GDAP2: variants seen among roughly 807,000 people sequenced by gnomAD.
GDAP2 encodes ganglioside-induced differentiation-associated protein 2.
In GDAP2, 51 loss-of-function variants were observed where a neutral mutation model predicts 67.0. The ratio of observed to expected loss-of-function variants is 0.76; its 90% CI spans 0.61 to 0.96. GDAP2 has a LOEUF of 0.96. Among genes scored for constraint, GDAP2 ranks in the 40% least tolerant of loss-of-function variants. The pLI is 0.00. For synonymous variants in GDAP2, 203 were observed against 207.3 expected, an observed-to-expected ratio of 0.98 and a Z score of 0.18; for missense variants, 547 against 588.3, an observed-to-expected ratio of 0.93 and a Z score of 0.73.
At position 117,867,015 on chromosome 1, in the gene GDAP2, T is replaced by G. The variant is rs903351752; in HGVS notation, c.*3554A>C. ...ACTCTCCTCTATATAGTACTTCAAA[T>G]TCTAATCATTTCTGTGCATATATTA... On this transcript the variant is annotated 3_prime_UTR_variant, in exon 14 of 14. Transcript: ENST00000369443. 2 of 152,170 alleles carry G rather than the reference T, an allele frequency of 1.3e-5. No individual in the cohort carries two copies. The highest frequency in any genetic ancestry group is 4.8e-5 in the African/African-American group (2 of 41,442). The allele number at this position is 152,170 out of a possible 1,614,324, so 9.4% of individuals were successfully genotyped here. A position where few individuals can be genotyped will look rare whatever the true frequency, so the allele number is the denominator to read the frequency against.
At chr1:117,893,257 C>T (rs1649152522) in intron 8 of GDAP2, among the ~76,000 whole-genome samples, 1 of 152,030 alleles carries the variant, frequency 6.6e-6, no homozygotes, top group African/African-American at 2.4e-5. Context: ...GTTTCAAAAG[C>T]AGTATTTTTG....
intron 1 of GDAP2, among the ~76,000 whole-genome samples, chr1:117,924,936 G>A (rs897589852): frequency 3.9e-5 from 6 of 151,900 alleles, no homozygotes; most frequent in African/African-American, 4.8e-5. Flanking sequence ...ATGGAATGAC[G>A]CTTGACAAAA....
At chr1:117,872,017 A>C (rs1340653860) in intron 13 of GDAP2, among the ~76,000 whole-genome samples, 1 of 152,208 alleles carries the variant, frequency 6.6e-6, no homozygotes, top group Non-Finnish European at 1.5e-5. Context: ...CCCATTAAAA[A>C]GCAGGCAAAG....
chr1:117,885,430 T>C (rs2101125703), intron 10 of GDAP2, among the ~76,000 whole-genome samples: 1 of 152,296 alleles, frequency 6.6e-6, no homozygotes, highest in South Asian at 2.1e-4. Context: ...AAAAACCCAA[T>C]GAAGGTCAAT....
chr1:117,901,313 G>A (rs1303260518), intron 6 of GDAP2, among the ~76,000 whole-genome samples: 7 of 152,026 alleles, frequency 4.6e-5, no homozygotes, highest in Admixed American at 6.5e-5. Context: ...TATAAATAAT[G>A]CTACTACAGA....
At chr1:117,921,590 G>C (rs1159830462) in intron 1 of GDAP2, among the ~76,000 whole-genome samples, 3 of 152,170 alleles carry the variant, frequency 2.0e-5, no homozygotes, top group Non-Finnish European at 4.4e-5. Context: ...AGGAAAAGCA[G>C]AATAAGCTAG....
At chr1:117,905,459 G>A (rs1281371091) in intron 6 of GDAP2, among the ~76,000 whole-genome samples, 1 of 152,074 alleles carries the variant, frequency 6.6e-6, no homozygotes, top group Non-Finnish European at 1.5e-5. Flanking sequence ...CAAATCTTAT[G>A]TACCTTTTAC....
intron 8 of GDAP2, among the ~76,000 whole-genome samples, chr1:117,890,756 A>AT (rs2101130570): frequency 6.6e-6 from 1 of 152,138 alleles, no homozygotes; most frequent in South Asian, 2.1e-4. Context: ...GTAAGACATT[A>AT]TTTTTTGTTT....
intron 3 of GDAP2, among the ~76,000 whole-genome samples, chr1:117,913,863 T>C (rs771187591): frequency 2.0e-5 from 3 of 152,074 alleles, no homozygotes; most frequent in Non-Finnish European, 2.9e-5. Flanking sequence ...CTCATGAGGG[T>C]AAAGCTTTCA....
intron 1 of GDAP2, among the ~76,000 whole-genome samples, chr1:117,927,759 A>C (rs1188612568): frequency 1.3e-5 from 2 of 152,228 alleles, no homozygotes; most frequent in Non-Finnish European, 2.9e-5. Flanking sequence ...TATAACAAGA[A>C]CATTCCTAAG....
rs919328930 is a variant in GDAP2, at chr1:117,864,138, G to C, written c.*6431C>G. ...GAAAGTGCCCATGAACTTACTATGA[G>C]AATTATGCATTATTCATGTTGATGA... On this transcript the variant is annotated 3_prime_UTR_variant, in exon 14 of 14. Transcript: ENST00000369443. The C allele has an allele frequency of 6.6e-6, 1 of 152,114 alleles. No individual in the cohort carries two copies. Among genetic ancestry groups the C allele is most frequent in the Non-Finnish European group, 1.5e-5 (1 of 68,016 alleles). The allele number at this position is 152,114 out of a possible 1,614,324, so 9.4% of individuals were successfully genotyped here.
Position 117,870,591 on chromosome 1 carries a change from T to C in GDAP2, c.1472A>G (p.Tyr491Cys). The C allele has an allele frequency of 6.2e-7, 1 of 1,606,392 alleles. No homozygotes were observed. Among genetic ancestry groups the C allele is most frequent in the Non-Finnish European group, 8.5e-7 (1 of 1,173,154 alleles). The change falls in exon 14 of 14, where the codon TAT becomes TGT. Residue 491 changes from tyrosine (Y) to cysteine (C), a missense_variant. Transcript: ENST00000369443. ...AGGTCACAAATCTGGTGATGGGGGA[T>C]ATGATGTATAGTAAGGCCCGTTTTC... ...ARENGPYYTS[Y>C]PPSPDL
chr1:117,928,078 A>G (rs997973519), intron 1 of GDAP2, among the ~76,000 whole-genome samples: 62 of 152,326 alleles, frequency 4.1e-4, no homozygotes, highest in African/African-American at 1.5e-3. Context: ...ATATTAAGAT[A>G]GTTTTTTAAG....
At chr1:117,883,441 AAAAG>A in intron 11 of GDAP2, 43 bp downstream of exon 11, 1 of 1,429,720 alleles carries the variant, frequency 7.0e-7, no homozygotes, top group Non-Finnish European at 9.8e-7. Context: ...TTAATATTAG[AAAAG>A]AAAGAAACTA....
chr1:117,881,085 G>T (rs371906953), intron 12 of GDAP2, among the ~76,000 whole-genome samples: 34 of 152,250 alleles, frequency 2.2e-4, no homozygotes, highest in African/African-American at 8.2e-4. Context: ...CAGTACAATG[G>T]ATTATTTCAA....
At chr1:117,877,486 T>C (rs1021078284) in intron 13 of GDAP2, 2 of 973,318 alleles carry the variant, frequency 2.1e-6, no homozygotes. Flanking sequence ...CTGTGACTAG[T>C]GCTTATGTAA....
Position 117,906,584 on chromosome 1 carries a change from TAAGGAA to T in GDAP2, c.560-8_560-3del. 1 of 1,464,338 alleles carries T rather than the reference TAAGGAA, an allele frequency of 6.8e-7. No homozygotes were observed. Among genetic ancestry groups the T allele is most frequent in the Admixed American group, 1.8e-5 (1 of 56,488 alleles). The allele number at this position is 1,464,338 out of a possible 1,614,324, so 90.7% of individuals were successfully genotyped here. A position where few individuals can be genotyped will look rare whatever the true frequency, so the allele number is the denominator to read the frequency against. On this transcript the variant is annotated splice_polypyrimidine_tract_variant and splice_region_variant and intron_variant, in intron 5 of 13. Coordinates refer to ENST00000369443, the MANE Select transcript of GDAP2 (RefSeq NM_017686.4). The stretch of plus-strand genomic sequence containing the variant: ...TCTCTAGGAATCTTCTTACAGTGCC[TAAGGAA>T]AAGAATAGAAAGATTACTCAATAAA...
chr1:117,904,845 C>T (rs1050719893), intron 6 of GDAP2, among the ~76,000 whole-genome samples: 6 of 152,210 alleles, frequency 3.9e-5, no homozygotes, highest in Non-Finnish European at 5.9e-5. Flanking sequence ...CACAATGGTT[C>T]GCTGAGCCTC....
At chr1:117,924,611 G>A (rs910825801) in intron 1 of GDAP2, among the ~76,000 whole-genome samples, 1 of 152,148 alleles carries the variant, frequency 6.6e-6, no homozygotes, top group African/African-American at 2.4e-5. Flanking sequence ...AGTGAAATAT[G>A]CTAATTCCTA....
Sources: gnomAD v4.1 joint callset for allele counts (sites outside exome capture counted in the v4.1 genomes callset) on GRCh38, gnomAD v4.1.1 for gene constraint, MANE v1.5 for transcripts, NCBI Gene and HGNC (gene_info 2026-07-23, HGNC 2026-07-21) for gene names.